The following MAF variants were observed in gnomAD, a reference collection of about 807,000 sequenced individuals.
MAF encodes the protein MAF bZIP transcription factor.
In MAF, 10 loss-of-function variants were observed where a neutral mutation model predicts 22.0. The observed-to-expected ratio is 0.45, with a 90% CI of 0.28 to 0.77. The LOEUF (loss-of-function observed/expected upper bound fraction) is 0.77, where lower values mean the gene tolerates loss of function less well. Ranked by LOEUF, MAF falls within the 30% of genes least tolerant of loss-of-function variation. The probability of loss-of-function intolerance (pLI) is 0.12; values close to 1 mark genes in which losing one functional copy is unlikely to be tolerated. For synonymous variants in MAF, 337 were observed against 255.8 expected (o/e 1.32, Z -3.03); for missense variants, 544 against 548.4 (o/e 0.99, Z 0.08).
At chr16:79,545,416 A>C in the MAF span, among the ~76,000 whole-genome samples, 1 of 152,210 alleles carries the variant, frequency 6.6e-6, no homozygotes, top group East Asian at 1.9e-4. Context: ...AGGGGACAGC[A>C]GAATGTTAAA....
At chr16:79,539,856 T>C in the MAF span, among the ~76,000 whole-genome samples, 5 of 152,192 alleles carry the variant, frequency 3.3e-5, no homozygotes, top group African/African-American at 1.2e-4. Flanking sequence ...TGAAAATCCA[T>C]TGCAAAAAGA....
chr16:79,516,767 G>A, the MAF span, among the ~76,000 whole-genome samples: 1 of 152,194 alleles, frequency 6.6e-6, no homozygotes, highest in Non-Finnish European at 1.5e-5. Flanking sequence ...TTCCCAGACT[G>A]TGTACCCTGG....
chr16:79,276,315 C>A, the MAF span, among the ~76,000 whole-genome samples: 3 of 152,112 alleles, frequency 2.0e-5, no homozygotes, highest in South Asian at 2.1e-4. Flanking sequence ...TTGCAGCAGG[C>A]CTTCTTGGGA....
At chr16:79,404,748 G>T in the MAF span, among the ~76,000 whole-genome samples, 1 of 152,198 alleles carries the variant, frequency 6.6e-6, no homozygotes, top group Middle Eastern at 3.4e-3. Flanking sequence ...AACCCAAAAA[G>T]GGAAATCTCA....
chr16:79,526,940 G>C, the MAF span, among the ~76,000 whole-genome samples: 2 of 152,146 alleles, frequency 1.3e-5, no homozygotes, highest in Non-Finnish European at 1.5e-5. Flanking sequence ...AAATAGAATT[G>C]ATTTGATTGT....
At chr16:79,219,548 CAAAAAAAAAAAAAAAAAA>C in the MAF span, among the ~76,000 whole-genome samples, 1 of 64,710 alleles carries the variant, frequency 1.5e-5, no homozygotes. Context: ...GACTCTGCCT[CAAAAAAAAAAAAAAAAAA>C]AAAAAAAAAA....
the MAF span, among the ~76,000 whole-genome samples, chr16:79,289,923 C>G: frequency 7.3e-6 from 1 of 137,580 alleles, no homozygotes; most frequent in Middle Eastern, 3.6e-3. Context: ...GTGGTGCAGT[C>G]TCAGCTCACT....
the MAF span, among the ~76,000 whole-genome samples, chr16:79,453,987 A>G: frequency 6.6e-6 from 1 of 152,202 alleles, no homozygotes; most frequent in Non-Finnish European, 1.5e-5. Context: ...TTAATTCATA[A>G]TAACTCACCA....
At chr16:79,464,035 G>T in the MAF span, among the ~76,000 whole-genome samples, 3 of 152,060 alleles carry the variant, frequency 2.0e-5, no homozygotes, top group East Asian at 3.9e-4. Context: ...GAAGGAAAAG[G>T]AAGGGATCGG....
At chr16:79,361,729 C>T in the MAF span, among the ~76,000 whole-genome samples, 1 of 152,116 alleles carries the variant, frequency 6.6e-6, no homozygotes, top group East Asian at 1.9e-4. Context: ...GGTCTTTCAT[C>T]TCCCAAGGTG....
At chr16:79,534,307 C>T in the MAF span, among the ~76,000 whole-genome samples, 1 of 152,148 alleles carries the variant, frequency 6.6e-6, no homozygotes, top group Non-Finnish European at 1.5e-5. Context: ...TCCTGTGTCT[C>T]CTTCTACCTC....
chr16:79,454,868 A>T, the MAF span, among the ~76,000 whole-genome samples: 1 of 152,204 alleles, frequency 6.6e-6, no homozygotes, highest in South Asian at 2.1e-4. Flanking sequence ...AGGCCGAGGC[A>T]GGTGGATCAC....
the MAF span, among the ~76,000 whole-genome samples, chr16:79,268,565 C>A: frequency 6.6e-6 from 1 of 152,250 alleles, no homozygotes; most frequent in Non-Finnish European, 1.5e-5. Context: ...CGAACTAGGA[C>A]AACAGGTTTT....
the MAF span, among the ~76,000 whole-genome samples, chr16:79,335,729 G>A: frequency 7.9e-5 from 12 of 152,188 alleles, no homozygotes; most frequent in Admixed American, 2.6e-4. Context: ...TGCTGGGGCC[G>A]GGAATCAGGA....
the MAF span, among the ~76,000 whole-genome samples, chr16:79,483,769 A>T: frequency 8.5e-5 from 13 of 152,180 alleles, no homozygotes; most frequent in Non-Finnish European, 1.8e-4. Flanking sequence ...CTGGGGCTGG[A>T]TAAGCAGAAA....
At chr16:79,307,553 G>A in the MAF span, among the ~76,000 whole-genome samples, 1 of 152,206 alleles carries the variant, frequency 6.6e-6, no homozygotes, top group Non-Finnish European at 1.5e-5. Context: ...GACATGATGG[G>A]CGATAAAATG....
the MAF span, among the ~76,000 whole-genome samples, chr16:79,446,515 AT>A: frequency 6.6e-6 from 1 of 152,192 alleles, no homozygotes; most frequent in African/African-American, 2.4e-5. Flanking sequence ...TTATAGTGTT[AT>A]GATCACTAAA....
chr16:79,224,479 T>C, the MAF span, among the ~76,000 whole-genome samples: 2 of 152,206 alleles, frequency 1.3e-5, no homozygotes, highest in African/African-American at 4.8e-5. Context: ...TCACTGCTCC[T>C]ATTCCACATA....
the MAF span, among the ~76,000 whole-genome samples, chr16:79,221,162 T>C: frequency 6.6e-6 from 1 of 152,218 alleles, no homozygotes; most frequent in Non-Finnish European, 1.5e-5. Context: ...TCAGAATTCT[T>C]TGCCTGGTTT....
Sources: gnomAD v4.1 joint callset for allele counts (sites outside exome capture counted in the v4.1 genomes callset) on GRCh38, gnomAD v4.1.1 for gene constraint, MANE v1.5 for transcripts, NCBI Gene and HGNC (gene_info 2026-07-23, HGNC 2026-07-21) for gene names.